The following NCALD variants were observed in gnomAD, a reference collection of about 807,000 sequenced individuals.
NCALD encodes neurocalcin delta, also known as neurocalcin-delta.
Under a neutral mutation model 18.6 loss-of-function variants are expected in NCALD, and 10 were observed. The observed-to-expected ratio is 0.54, with a 90% CI of 0.33 to 0.91. The LOEUF (loss-of-function observed/expected upper bound fraction) is 0.91, where lower values mean the gene tolerates loss of function less well. Among genes scored for constraint, NCALD ranks in the 40% least tolerant of loss-of-function variants. The pLI is 0.03. For synonymous variants in NCALD, 88 were observed against 87.4 expected, an observed-to-expected ratio of 1.01 and a Z score of -0.04; for missense variants, 184 against 247.6, an observed-to-expected ratio of 0.74 and a Z score of 1.72.
At chr8:101,811,357 A>G (rs545538709) in intron 4 of NCALD, among the ~76,000 whole-genome samples, 1 of 152,186 alleles carries the variant, frequency 6.6e-6, no homozygotes, top group Non-Finnish European at 1.5e-5. Flanking sequence ...CCAAAGATGT[A>G]GGCAGCCTCT....
In NCALD at chr8:102,043,120, CA is replaced by C. The variant is rs893016116; in HGVS notation, c.-209-22832del. 6.2e-4 allele frequency among the ~76,000 whole-genome samples: 95 copies of C among 152,054 alleles called. 3 individuals are homozygous for C. The highest frequency in any genetic ancestry group is 2.2e-3 in the African/African-American group (93 of 41,348). On this transcript the variant is annotated intron_variant, in intron 1 of 6. Transcript: ENST00000311028. The stretch of plus-strand genomic sequence containing the variant: ...CCAAAGTATAACCTCACCTCTCACA[CA>C]AGGAAGTCATTCGGTCACATGGGCT...
chr8:102,003,610 A>G lies in NCALD; in HGVS notation c.-157+16627T>C, dbSNP rs2132036004. On this transcript the variant is annotated intron_variant, in intron 2 of 6. Transcript: ENST00000311028. ...TTTTAGACCAATATCCCTGATGAAC[A>G]TCGATGCAAAAATCCTCAATAAAAT... Among the ~76,000 whole-genome samples, 3 of 152,354 alleles carry G rather than the reference A, an allele frequency of 2.0e-5. No individual in the cohort carries two copies. The South Asian group carries it at 6.2e-4, about 32-fold the overall frequency.
chr8:101,798,637 T>C (rs554851571), intron 4 of NCALD, among the ~76,000 whole-genome samples: 1 of 152,336 alleles, frequency 6.6e-6, no homozygotes, highest in African/African-American at 2.4e-5. Flanking sequence ...CAAGATTTGT[T>C]ACAGATATAT....
rs77226819 is a variant in NCALD at position 101,976,772 on chromosome 8, T to C, written c.-157+43465A>G. On this transcript the variant is annotated intron_variant, in intron 2 of 6. Transcript: ENST00000311028. Reference sequence around the variant, plus strand: ...CCAGTGTATACCCAGGTGCACAGTCTACCCCCCTGCCCTCATGGACATTAC... The same window carrying C: ...CCAGTGTATACCCAGGTGCACAGTCCACCCCCCTGCCCTCATGGACATTAC... Among the ~76,000 whole-genome samples, 1,169 of 152,146 alleles carry C rather than the reference T, an allele frequency of 7.7e-3. 16 individuals carry two copies. Among genetic ancestry groups the C allele is most frequent in the East Asian group, 0.043 (220 of 5,140 alleles).
At position 101,977,465 on chromosome 8, in the gene NCALD, T is replaced by A. The variant is rs1045690742; in HGVS notation, c.-157+42772A>T. On this transcript the variant is annotated intron_variant, in intron 2 of 6. Transcript: ENST00000311028. ...TGTTAAGTTCCCCGAAGAAATTTTC[T>A]AAGTACTCAAATTGCTAAAAGGCAT... 1.3e-5 allele frequency among the ~76,000 whole-genome samples: 2 copies of A among 152,232 alleles called. 1 individual carries two copies. Among genetic ancestry groups the A allele is most frequent in the Non-Finnish European group, 2.9e-5 (2 of 68,038 alleles).
chr8:102,102,372 T>C (rs1420687259), intron 1 of NCALD, among the ~76,000 whole-genome samples: 2 of 152,210 alleles, frequency 1.3e-5, no homozygotes, highest in African/African-American at 4.8e-5. Context: ...GCAGCTCCCC[T>C]TGAGTTCCAC....
intron 2 of NCALD, among the ~76,000 whole-genome samples, chr8:102,015,951 T>C (rs547412794): frequency 6.6e-6 from 1 of 151,984 alleles, no homozygotes; most frequent in South Asian, 2.1e-4. Context: ...AGAAGAAGGG[T>C]GGGGCTGGAG....
At chr8:102,055,363 T>C (rs2132237600) in intron 1 of NCALD, among the ~76,000 whole-genome samples, 1 of 151,978 alleles carries the variant, frequency 6.6e-6, no homozygotes, top group Non-Finnish European at 1.5e-5. Context: ...CACCCCAAAA[T>C]GACCTGTTGT....
intron 2 of NCALD, among the ~76,000 whole-genome samples, chr8:101,921,059 A>T (rs1042451345): frequency 1.3e-5 from 2 of 152,160 alleles, no homozygotes; most frequent in Non-Finnish European, 2.9e-5. Context: ...TCCGATTGAG[A>T]AGGCTTCAAG....
chr8:101,853,454 A>G (rs992013268), intron 4 of NCALD, among the ~76,000 whole-genome samples: 1 of 152,166 alleles, frequency 6.6e-6, no homozygotes, highest in Non-Finnish European at 1.5e-5. Flanking sequence ...AGACAGAGGG[A>G]TCAAAATATT....
chr8:101,921,714 G>C (rs966880803), intron 2 of NCALD, among the ~76,000 whole-genome samples: 1 of 152,076 alleles, frequency 6.6e-6, no homozygotes, highest in African/African-American at 2.4e-5. Flanking sequence ...TTTATTTCTA[G>C]TTCCAACAAT....
At chr8:101,779,209 G>C (rs1811916409) in intron 1 of NCALD, among the ~76,000 whole-genome samples, 1 of 152,146 alleles carries the variant, frequency 6.6e-6, no homozygotes, top group Admixed American at 6.6e-5. Flanking sequence ...ATGAGTCTAA[G>C]AAAGGGGTAG....
chr8:102,089,626 T>C (rs1475503357), intron 1 of NCALD, among the ~76,000 whole-genome samples: 3 of 152,074 alleles, frequency 2.0e-5, no homozygotes, highest in African/African-American at 7.2e-5. Context: ...TAAAAACAGT[T>C]TTACATGGAA....
chr8:101,737,643 A>G (rs1384322225), intron 1 of NCALD, among the ~76,000 whole-genome samples: 1 of 152,210 alleles, frequency 6.6e-6, no homozygotes, highest in Non-Finnish European at 1.5e-5. Flanking sequence ...TTTTGTAAAC[A>G]TGGATGTGTT....
chr8:102,036,546 G>A (rs547285582), intron 1 of NCALD, among the ~76,000 whole-genome samples: 84 of 152,080 alleles, frequency 5.5e-4, no homozygotes, highest in Middle Eastern at 6.8e-3. Context: ...AGGCTGAGGC[G>A]GGAGGATCAC....
intron 4 of NCALD, among the ~76,000 whole-genome samples, chr8:101,827,073 C>T (rs1406862593): frequency 1.3e-5 from 2 of 152,158 alleles, no homozygotes; most frequent in Non-Finnish European, 2.9e-5. Flanking sequence ...ATCAGTACTG[C>T]TGGGTCAAAG....
intron 3 of NCALD, chr8:101,915,678 T>C (rs894121909): frequency 6.6e-6 from 1 of 152,218 alleles, no homozygotes; most frequent in African/African-American, 2.4e-5. Context: ...CTTTTATATA[T>C]ACAAAACTCC....
chr8:101,873,501 A>G (rs1816102773), intron 4 of NCALD, among the ~76,000 whole-genome samples: 1 of 152,242 alleles, frequency 6.6e-6, no homozygotes, highest in African/African-American at 2.4e-5. Flanking sequence ...GGCATATCCA[A>G]TTTCAAAGCT....
At chr8:101,986,913 C>G (rs1264676701) in intron 2 of NCALD, among the ~76,000 whole-genome samples, 1 of 152,078 alleles carries the variant, frequency 6.6e-6, no homozygotes, top group Non-Finnish European at 1.5e-5. Context: ...GTGAGGGGAG[C>G]GAAGACTCTC....
Sources: gnomAD v4.1 joint callset for allele counts (sites outside exome capture counted in the v4.1 genomes callset) on GRCh38, gnomAD v4.1.1 for gene constraint, MANE v1.5 for transcripts, NCBI Gene and HGNC (gene_info 2026-07-23, HGNC 2026-07-21) for gene names.